Variants in RALGAPA2 observed in about 807,000 individuals in gnomAD.
RALGAPA2 encodes ral GTPase-activating protein subunit alpha-2.
In RALGAPA2, 139 loss-of-function variants were observed where a neutral mutation model predicts 230.4. The observed-to-expected ratio is 0.60, with a 90% CI of 0.53 to 0.69. The LOEUF is 0.69. Among genes scored for constraint, RALGAPA2 ranks in the 30% least tolerant of loss-of-function variants. The probability of loss-of-function intolerance (pLI) is 0.00; values close to 1 mark genes in which losing one functional copy is unlikely to be tolerated. For synonymous variants in RALGAPA2, 847 were observed against 837.8 expected (o/e 1.01, Z -0.19); for missense variants, 2,163 against 2,276.0 (o/e 0.95, Z 1.01).
chr20:20,690,777 G>A (rs2068874040), intron 1 of RALGAPA2, among the ~76,000 whole-genome samples: 1 of 152,080 alleles, frequency 6.6e-6, no homozygotes, highest in South Asian at 2.1e-4. Flanking sequence ...GCTCCCCACT[G>A]CAATCTCCAG....
At chr20:20,471,689 G>C (rs901588938) in intron 37 of RALGAPA2, 9 of 152,318 alleles carry the variant, frequency 5.9e-5, no homozygotes, top group Non-Finnish European at 2.9e-5. Flanking sequence ...CAAAGCACGA[G>C]AGAGTACACT....
At chr20:20,705,650 T>TTTG (rs747437031) in intron 1 of RALGAPA2, among the ~76,000 whole-genome samples, 88 of 152,144 alleles carry the variant, frequency 5.8e-4, no homozygotes, top group Middle Eastern at 6.8e-3. Context: ...AAAGTCAAGT[T>TTTG]TTGTTGTTGT....
chr20:20,443,185 T>G (rs2060777769), intron 37 of RALGAPA2, among the ~76,000 whole-genome samples: 2 of 152,234 alleles, frequency 1.3e-5, no homozygotes, highest in African/African-American at 4.8e-5. Context: ...AACAAAGGTC[T>G]AAAAAGGTAA....
intron 37 of RALGAPA2, among the ~76,000 whole-genome samples, chr20:20,429,911 G>T (rs1383781673): frequency 6.6e-6 from 1 of 152,200 alleles, no homozygotes; most frequent in Non-Finnish European, 1.5e-5. Context: ...ACCCTGAAGA[G>T]GGTAGAAGCA....
chr20:20,412,727 G>C (rs2060087238), intron 37 of RALGAPA2, among the ~76,000 whole-genome samples: 1 of 152,110 alleles, frequency 6.6e-6, no homozygotes, highest in African/African-American at 2.4e-5. Context: ...TCTACCAAGA[G>C]TGCACAGTGC....
At chr20:20,568,186 A>G (rs1038800007) in intron 23 of RALGAPA2, among the ~76,000 whole-genome samples, 8 of 152,154 alleles carry the variant, frequency 5.3e-5, no homozygotes, top group African/African-American at 1.2e-4. Context: ...AATCCTAATT[A>G]TTTTGTAAAC....
intron 36 of RALGAPA2, among the ~76,000 whole-genome samples, chr20:20,474,881 T>C (rs1425367285): frequency 6.6e-6 from 1 of 152,184 alleles, no homozygotes; most frequent in Non-Finnish European, 1.5e-5. Flanking sequence ...ATGATGTTTC[T>C]AGCCATGAGA....
At chr20:20,699,062 T>C (rs2069236170) in intron 1 of RALGAPA2, among the ~76,000 whole-genome samples, 1 of 152,270 alleles carries the variant, frequency 6.6e-6, no homozygotes, top group African/African-American at 2.4e-5. Context: ...TCTTGGCATT[T>C]GTCCATTTGC....
intron 1 of RALGAPA2, among the ~76,000 whole-genome samples, chr20:20,705,168 G>A (rs2069544462): frequency 6.6e-6 from 1 of 152,160 alleles, no homozygotes; most frequent in Non-Finnish European, 1.5e-5. Flanking sequence ...ACTTATATCA[G>A]GCATGCACTC....
intron 1 of RALGAPA2, among the ~76,000 whole-genome samples, chr20:20,687,389 A>C (rs2068744807): frequency 6.6e-6 from 1 of 152,184 alleles, no homozygotes; most frequent in Admixed American, 6.5e-5. Flanking sequence ...AAATGCCACA[A>C]ATCATTCCTT....
chr20:20,553,072 G>T (rs2063974909), intron 23 of RALGAPA2, among the ~76,000 whole-genome samples: 1 of 152,176 alleles, frequency 6.6e-6, no homozygotes, highest in South Asian at 2.1e-4. Flanking sequence ...CATGACTGGG[G>T]CCAAATATGT....
intron 38 of RALGAPA2, among the ~76,000 whole-genome samples, chr20:20,411,685 G>T (rs992698888): frequency 6.6e-6 from 1 of 152,090 alleles, no homozygotes; most frequent in African/African-American, 2.4e-5. Flanking sequence ...ACTCTTTTTT[G>T]ATAAGTAAGC....
chr20:20,405,682 C>T (rs1009629711), intron 38 of RALGAPA2, among the ~76,000 whole-genome samples: 12 of 152,200 alleles, frequency 7.9e-5, no homozygotes, highest in Non-Finnish European at 1.2e-4. Flanking sequence ...GAAAGCACCT[C>T]GAATCAAGTT....
intron 3 of RALGAPA2, among the ~76,000 whole-genome samples, chr20:20,656,862 G>A (rs1239483468): frequency 1.3e-5 from 2 of 152,140 alleles, no homozygotes; most frequent in Non-Finnish European, 2.9e-5. Context: ...GAATAAGAAT[G>A]AGGGTCTCAG....
intron 20 of RALGAPA2, among the ~76,000 whole-genome samples, chr20:20,573,510 A>G (rs1401410226): frequency 6.6e-6 from 1 of 152,170 alleles, no homozygotes. Flanking sequence ...AGTTTTAAGG[A>G]ATGTATACGT....
At chr20:20,636,978 T>C (rs2066881386) in intron 8 of RALGAPA2, among the ~76,000 whole-genome samples, 1 of 152,190 alleles carries the variant, frequency 6.6e-6, no homozygotes, top group African/African-American at 2.4e-5. Context: ...TGGCAGCTGT[T>C]TGCCTTGGGC....
At chr20:20,417,673 G>A (rs1281228597) in intron 37 of RALGAPA2, among the ~76,000 whole-genome samples, 1 of 152,154 alleles carries the variant, frequency 6.6e-6, no homozygotes, top group Admixed American at 6.5e-5. Context: ...TAAACTCCTT[G>A]AGGACACCAT....
chr20:20,554,849 T>C (rs2064035238), intron 23 of RALGAPA2, among the ~76,000 whole-genome samples: 1 of 152,218 alleles, frequency 6.6e-6, no homozygotes, highest in Non-Finnish European at 1.5e-5. Context: ...CCTAATCAGA[T>C]ATATAATTTC....
chr20:20,563,277 T>C (rs6082049), intron 23 of RALGAPA2, among the ~76,000 whole-genome samples: 4,431 of 152,312 alleles, frequency 0.029, 87 homozygotes, highest in South Asian at 0.06. Flanking sequence ...AGGTCAGAAG[T>C]TGTATTTTTA....
Sources: gnomAD v4.1 joint callset for allele counts (sites outside exome capture counted in the v4.1 genomes callset) on GRCh38, gnomAD v4.1.1 for gene constraint, MANE v1.5 for transcripts, NCBI Gene and HGNC (gene_info 2026-07-23, HGNC 2026-07-21) for gene names.